NEUROG3: variants seen among roughly 807,000 people sequenced by gnomAD.
The protein encoded by NEUROG3 is neurogenin-3.
For synonymous variants in NEUROG3, 161 were observed against 139.2 expected, an observed-to-expected ratio of 1.16 and a Z score of -1.10; for missense variants, 307 against 297.9, an observed-to-expected ratio of 1.03 and a Z score of -0.22.
rs895247031 is a variant in NEUROG3 at position 69,571,800 on chromosome 10, T to C, written c.*599A>G. 6.6e-6 allele frequency: 1 copy of C among 152,308 alleles called. No individual in the cohort carries two copies. The highest frequency in any genetic ancestry group is 1.5e-5 in the Non-Finnish European group (1 of 68,100). 9.4% of individuals were successfully genotyped at this position (152,308 alleles called of 1,614,324 possible). A position where few individuals can be genotyped will look rare whatever the true frequency, so the allele number is the denominator to read the frequency against. ...GCTAGCGCTTTCCCAGTTCACAGCC[T>C]GGTCTTCCGCCCCGGGAGGGCAATG... is the stretch of plus-strand genomic sequence containing the variant. On this transcript the variant is annotated 3_prime_UTR_variant, in exon 2 of 2. Coordinates refer to ENST00000242462, the MANE Select transcript of NEUROG3 (RefSeq NM_020999.4).
In NEUROG3 at chr10:69,572,206, C is replaced by T. The variant is rs151214629; in HGVS notation, c.*193G>A. 1 of 653,082 alleles carries T rather than the reference C, an allele frequency of 1.5e-6. No individual in the cohort carries two copies. Among genetic ancestry groups the T allele is most frequent in the Non-Finnish European group, 2.6e-6 (1 of 385,656 alleles). The allele number at this position is 653,082 out of a possible 1,614,324, so 40.5% of individuals were successfully genotyped here. ...GCAGCAAGGGTTGCGTGCGTTGGCG[C>T]GGCTCGGAGGGCCGGGGAATGAACC... On this transcript the variant is annotated 3_prime_UTR_variant, in exon 2 of 2. Coordinates refer to ENST00000242462, the MANE Select transcript of NEUROG3 (RefSeq NM_020999.4).
chr10:69,572,588 C>G lies in NEUROG3; in HGVS notation c.456G>C (p.Pro152=). Residue 152 remains proline, a synonymous_variant, in exon 2 of 2, where the codon CCG becomes CCC. Coordinates refer to ENST00000242462, the MANE Select transcript of NEUROG3 (RefSeq NM_020999.4). The part of the protein sequence containing the change: ...ADHSLYALEP[P]APHCGELGSP... ...TGCCCAGCTCCCCGCAGTGCGGCGCCGGCGGCTCCAGCGCGTACAAGCTGT... is the reference window on the plus strand; with the variant it reads ...TGCCCAGCTCCCCGCAGTGCGGCGCGGGCGGCTCCAGCGCGTACAAGCTGT... 6.2e-7 allele frequency: 1 copy of G among 1,613,582 alleles called. No homozygotes were observed. The highest frequency in any genetic ancestry group is 1.3e-5 in the African/African-American group (1 of 75,030).
rs748454016 is a variant in NEUROG3 at position 69,572,462 on chromosome 10, C to A, written c.582G>T (p.Leu194=). The A allele has an allele frequency of 3.8e-5, 60 of 1,589,104 alleles. No homozygotes were observed. In the Admixed American group the frequency reaches 9.9e-4, roughly 26 times the overall value. The part of the protein sequence containing the change: ...PAASLEERPG[L]LGATFSACLS... ...AGCAGGCGGAAAAGGTGGCCCCCAG[C>A]AGCCCGGGTCGCTCCTCCAGCGACG... is the stretch of plus-strand genomic sequence containing the variant. Residue 194 remains leucine (L), a synonymous_variant, in exon 2 of 2, where the codon CTG becomes CTT. Transcript: ENST00000242462.
rs1481494516 is a variant in NEUROG3, at chr10:69,572,722, C to T, written c.322G>A (p.Gly108Ser). The T allele has an allele frequency of 1.2e-6, 2 of 1,614,132 alleles. No homozygotes were observed. Among genetic ancestry groups the T allele is most frequent in the African/African-American group, 1.3e-5 (1 of 75,062 alleles). Reference sequence around the variant, plus strand: ...TCGTCTGGGAAGGTGGGCAGGACACCGCGCAGGGCGTCCAGTGCCGAGTTG... The same window carrying T: ...TCGTCTGGGAAGGTGGGCAGGACACTGCGCAGGGCGTCCAGTGCCGAGTTG... ...NLNSALDALR[G>S]VLPTFPDDAK... Residue 108 changes from glycine (G) to serine (S), a missense_variant, in exon 2 of 2, where the codon GGT becomes AGT. Transcript: ENST00000242462.
In NEUROG3 at chr10:69,572,572, C is replaced by T. The variant is rs754502167; in HGVS notation, c.472G>A (p.Glu158Lys). Residue 158 changes from glutamate (E) to lysine (K), a missense_variant, in exon 2 of 2, where the codon GAG (glutamate) becomes AAG (lysine). By Grantham distance (56) the Glu-to-Lys change is moderately conservative (BLOSUM62 1). Transcript: ENST00000242462. ...GGGGAACCGCCTGGGCTGCCCAGCT[C>T]CCCGCAGTGCGGCGCCGGCGGCTCC... ...ALEPPAPHCG[E>K]LGSPGGSPGD... 1.2e-6 allele frequency: 2 copies of T among 1,613,204 alleles called. No individual in the cohort carries two copies. The highest frequency in any genetic ancestry group is 1.7e-6 in the Non-Finnish European group (2 of 1,179,586).
chr10:69,572,095 T>C lies in NEUROG3; in HGVS notation c.*304A>G, dbSNP rs1408566864. The C allele has an allele frequency of 8.4e-6, 4 of 478,408 alleles. No individual in the cohort carries two copies. Among genetic ancestry groups the C allele is most frequent in the South Asian group, 2.5e-5 (1 of 40,344 alleles). 29.6% of individuals were successfully genotyped at this position (478,408 alleles called of 1,614,324 possible). On this transcript the variant is annotated 3_prime_UTR_variant, in exon 2 of 2. Coordinates refer to ENST00000242462, the MANE Select transcript of NEUROG3 (RefSeq NM_020999.4). ...CTCCGGCCGGGTAGTGCTACCATTCTAGTATTCTTTGAATGAGATTATGGG... is the reference window on the plus strand; with the variant it reads ...CTCCGGCCGGGTAGTGCTACCATTCCAGTATTCTTTGAATGAGATTATGGG...
rs1346375997 is a variant in NEUROG3 at position 69,572,472 on chromosome 10, C to G, written c.572G>C (p.Arg191Pro). ...SLSPAASLEE[R>P]PGLLGATFSA... Reference sequence around the variant, plus strand: ...AAAGGTGGCCCCCAGCAGCCCGGGTCGCTCCTCCAGCGACGCGGCGGGACT... The same window carrying G: ...AAAGGTGGCCCCCAGCAGCCCGGGTGGCTCCTCCAGCGACGCGGCGGGACT... Residue 191 changes from arginine to proline, a missense_variant, in exon 2 of 2, where the codon CGA becomes CCA. By Grantham distance (103) the Arg-to-Pro change is moderately radical. Coordinates refer to ENST00000242462, the MANE Select transcript of NEUROG3 (RefSeq NM_020999.4). 1 of 1,590,236 alleles carries G rather than the reference C, an allele frequency of 6.3e-7. No individual in the cohort carries two copies. Among genetic ancestry groups the G allele is most frequent in the East Asian group, 2.3e-5 (1 of 43,410 alleles).
rs1251856034 is a variant in NEUROG3, at chr10:69,571,862, C to A, written c.*537G>T. 6.5e-6 allele frequency: 1 copy of A among 152,898 alleles called. No individual in the cohort carries two copies. Among genetic ancestry groups the A allele is most frequent in the Non-Finnish European group, 1.5e-5 (1 of 68,592 alleles). 9.5% of individuals were successfully genotyped at this position (152,898 alleles called of 1,614,324 possible). A position where few individuals can be genotyped will look rare whatever the true frequency, so the allele number is the denominator to read the frequency against. On this transcript the variant is annotated 3_prime_UTR_variant, in exon 2 of 2. Coordinates refer to ENST00000242462, the MANE Select transcript of NEUROG3 (RefSeq NM_020999.4). ...TGCACGAGGAGAAGGCAGAGGGTCG[C>A]CTTCGTGGCTTTAAGGCAGAGTGAG...
In NEUROG3 at chr10:69,572,930, G is replaced by C; in HGVS notation, c.114C>G (p.Ser38Arg). Residue 38 changes from serine to arginine, a missense_variant, in exon 2 of 2, where the codon AGC (serine) becomes AGG (arginine). Coordinates refer to ENST00000242462, the MANE Select transcript of NEUROG3 (RefSeq NM_020999.4). ...CGCAGTTCCCCCGTGTGCGAGTGGGGCTGGGCGGGGCGGACGTGGGGCAGG... is the reference window on the plus strand; with the variant it reads ...CGCAGTTCCCCCGTGTGCGAGTGGGCCTGGGCGGGGCGGACGTGGGGCAGG... Reference protein sequence around the residue: ...EVTCPTSAPPSPTRTRGNCAE... With the variant: ...EVTCPTSAPPRPTRTRGNCAE... The C allele has an allele frequency of 1.2e-6, 2 of 1,612,636 alleles. No homozygotes were observed. Among genetic ancestry groups the C allele is most frequent in the South Asian group, 1.1e-5 (1 of 91,038 alleles).
In NEUROG3 at chr10:69,573,403, A is replaced by G. The variant is rs1271620497; in HGVS notation, c.-195T>C. The stretch of plus-strand genomic sequence containing the variant: ...CTCTCTCTCGAGGCGCGGCGGTGAG[A>G]CCGCAGGGATTTCCTGAGCAGCAAG... On this transcript the variant is annotated 5_prime_UTR_variant, in exon 1 of 2. Transcript: ENST00000242462. 6.6e-6 allele frequency among the ~76,000 whole-genome samples: 1 copy of G among 152,086 alleles called. No individual in the cohort carries two copies. Among genetic ancestry groups the G allele is most frequent in the African/African-American group, 2.4e-5 (1 of 41,414 alleles).
In NEUROG3 at chr10:69,572,999, A is replaced by G. The variant is rs370848486; in HGVS notation, c.45T>C (p.Arg15=). The G allele has an allele frequency of 5.0e-5, 81 of 1,613,570 alleles. No homozygotes were observed. The South Asian group carries it at 8.7e-4, about 17-fold the overall frequency. The part of the protein sequence containing the change: ...PSGAPTVQVT[R]ETERSFPRAS... ...CTCTGGGGAAGGACCGCTCCGTCTC[A>G]CGGGTCACTTGGACAGTGGGCGCAC... The change falls in exon 2 of 2, where the codon CGT becomes CGC. Residue 15 remains arginine, a synonymous_variant. Coordinates refer to ENST00000242462, the MANE Select transcript of NEUROG3 (RefSeq NM_020999.4).
chr10:69,572,077 C>G lies in NEUROG3; in HGVS notation c.*322G>C. On this transcript the variant is annotated 3_prime_UTR_variant, in exon 2 of 2. Transcript: ENST00000242462. ...ACCCAAGACGGTGGGCGGCTCCGGC[C>G]GGGTAGTGCTACCATTCTAGTATTC... The G allele has an allele frequency of 2.5e-6, 1 of 397,946 alleles. No individual in the cohort carries two copies. 24.7% of individuals were successfully genotyped at this position (397,946 alleles called of 1,614,324 possible).
In NEUROG3 at chr10:69,572,217, G is replaced by A. The variant is rs539685193; in HGVS notation, c.*182C>T. 4.2e-5 allele frequency: 29 copies of A among 688,230 alleles called. No individual in the cohort carries two copies. The East Asian group carries it at 5.8e-4, about 14-fold the overall frequency. 42.6% of individuals were successfully genotyped at this position (688,230 alleles called of 1,614,324 possible). On this transcript the variant is annotated 3_prime_UTR_variant, in exon 2 of 2. Transcript: ENST00000242462. ...TGCGTGCGTTGGCGCGGCTCGGAGGGCCGGGGAATGAACCCAGCCTGCCGC... is the reference window on the plus strand; with the variant it reads ...TGCGTGCGTTGGCGCGGCTCGGAGGACCGGGGAATGAACCCAGCCTGCCGC...
chr10:69,572,710 T>C lies in NEUROG3; in HGVS notation c.334A>G (p.Thr112Ala), dbSNP rs1554840398. 1 of 1,614,116 alleles carries C rather than the reference T, an allele frequency of 6.2e-7. No individual in the cohort carries two copies. The highest frequency in any genetic ancestry group is 1.1e-5 in the South Asian group (1 of 91,080). The change falls in exon 2 of 2, where the codon ACC (threonine) becomes GCC (alanine). Residue 112 changes from threonine (T) to alanine (A), a missense_variant. Physicochemically the swap from Thr to Ala is moderately conservative, Grantham distance 58. Coordinates refer to ENST00000242462, the MANE Select transcript of NEUROG3 (RefSeq NM_020999.4). ...ALDALRGVLP[T>A]FPDDAKLTKI... ...GTGAGCTTCGCGTCGTCTGGGAAGGTGGGCAGGACACCGCGCAGGGCGTCC... is the reference window on the plus strand; with the variant it reads ...GTGAGCTTCGCGTCGTCTGGGAAGGCGGGCAGGACACCGCGCAGGGCGTCC...
rs1368246943 is a variant in NEUROG3, at chr10:69,572,960, T to C, written c.84A>G (p.Glu28=). The C allele has an allele frequency of 6.2e-7, 1 of 1,613,388 alleles. No homozygotes were observed. Among genetic ancestry groups the C allele is most frequent in the Admixed American group, 1.7e-5 (1 of 60,022 alleles). ...ERSFPRASED[E]VTCPTSAPPS... ...GCGGGGCGGACGTGGGGCAGGTCACTTCGTCTTCCGAGGCTCTGGGGAAGG... is the reference window on the plus strand; with the variant it reads ...GCGGGGCGGACGTGGGGCAGGTCACCTCGTCTTCCGAGGCTCTGGGGAAGG... Residue 28 remains glutamate (E), a synonymous_variant, in exon 2 of 2, where the codon GAA becomes GAG. Transcript: ENST00000242462.
In NEUROG3 at chr10:69,572,313, G is replaced by A. The variant is rs1273712466; in HGVS notation, c.*86C>T. On this transcript the variant is annotated 3_prime_UTR_variant, in exon 2 of 2. Transcript: ENST00000242462. ...GAAGGAACAAGTGCTTTTGAGGGCCGCCGCCGTCGGCCACCCTCTACGGCT... is the reference window on the plus strand; with the variant it reads ...GAAGGAACAAGTGCTTTTGAGGGCCACCGCCGTCGGCCACCCTCTACGGCT... 41 of 1,457,502 alleles carry A rather than the reference G, an allele frequency of 2.8e-5. No homozygotes were observed. Among genetic ancestry groups the A allele is most frequent in the African/African-American group, 1.4e-5 (1 of 71,390 alleles). 90.3% of individuals were successfully genotyped at this position (1,457,502 alleles called of 1,614,324 possible). A position where few individuals can be genotyped will look rare whatever the true frequency, so the allele number is the denominator to read the frequency against.
rs377216129 is a variant in NEUROG3 at position 69,572,853 on chromosome 10, C to G, written c.191G>C (p.Arg64Pro). ...CRGAPRKLRA[R>P]RGGRSRPKSE... ...CTTAGGCCGGCTGCGTCCCCCGCGC[C>G]GTGCCCGGAGCTTCCTCGGGGCCCC... The change falls in exon 2 of 2, where the codon CGG becomes CCG. Residue 64 changes from arginine (R) to proline (P), a missense_variant. By Grantham distance (103) the Arg-to-Pro change is moderately radical. Transcript: ENST00000242462. The G allele has an allele frequency of 8.1e-6, 13 of 1,609,880 alleles. No homozygotes were observed. Among genetic ancestry groups the G allele is most frequent in the Middle Eastern group, 1.6e-4 (1 of 6,072 alleles).
At position 69,572,028 on chromosome 10, in the gene NEUROG3, A is replaced by G. The variant is rs1276080627; in HGVS notation, c.*371T>C. 6.6e-6 allele frequency: 2 copies of G among 302,300 alleles called. No homozygotes were observed. Among genetic ancestry groups the G allele is most frequent in the Non-Finnish European group, 1.2e-5 (2 of 161,296 alleles). The allele number at this position is 302,300 out of a possible 1,614,324, so 18.7% of individuals were successfully genotyped here. The stretch of plus-strand genomic sequence containing the variant: ...GGGGTGGTAAGAGACTGAGAGGCAG[A>G]CAGACTTGAGTGAGGGTAGGGCGAC... On this transcript the variant is annotated 3_prime_UTR_variant, in exon 2 of 2. Coordinates refer to ENST00000242462, the MANE Select transcript of NEUROG3 (RefSeq NM_020999.4).
chr10:69,572,364 C>G lies in NEUROG3; in HGVS notation c.*35G>C. 6.4e-7 allele frequency: 1 copy of G among 1,572,974 alleles called. No individual in the cohort carries two copies. On this transcript the variant is annotated 3_prime_UTR_variant, in exon 2 of 2. Transcript: ENST00000242462. ...CCCGGCTCCCTCCCTCTCCCTTACC[C>G]TTAGCACCCACAGCCCAGCGACAGA...
Sources: gnomAD v4.1 joint callset for allele counts (sites outside exome capture counted in the v4.1 genomes callset) on GRCh38, gnomAD v4.1.1 for gene constraint, MANE v1.5 for transcripts, NCBI Gene and HGNC (gene_info 2026-07-23, HGNC 2026-07-21) for gene names.